The following ZNF432 variants were observed in gnomAD, a reference collection of about 807,000 sequenced individuals.
The protein encoded by ZNF432 is zinc finger protein 432.
Under a neutral mutation model 13.9 loss-of-function variants are expected in ZNF432, and 10 were observed. That is an observed-to-expected ratio of 0.72 (90% CI 0.44 to 1.22). The LOEUF is 1.22. Among genes scored for constraint, ZNF432 ranks in the 50% most tolerant of loss-of-function variants. The pLI, the probability that ZNF432 is intolerant of heterozygous loss-of-function variation, is 0.00. For missense variants in ZNF432, 793 were observed against 796.2 expected, an observed-to-expected ratio of 1.00 and a Z score of 0.05; for synonymous variants, 247 against 256.2, an observed-to-expected ratio of 0.96 and a Z score of 0.34.
At chr19:52,039,322 C>T (rs2087112302) in intron 4 of ZNF432, among the ~76,000 whole-genome samples, 1 of 152,094 alleles carries the variant, frequency 6.6e-6, no homozygotes, top group African/African-American at 2.4e-5. Flanking sequence ...GTAGAAATAA[C>T]CCAAATGTCA....
chr19:52,047,564 G>A (rs548926138), intron 1 of ZNF432, among the ~76,000 whole-genome samples: 1 of 151,856 alleles, frequency 6.6e-6, no homozygotes, highest in Non-Finnish European at 1.5e-5. Flanking sequence ...TGTAATCCCA[G>A]CTACTCGGAG....
intron 2 of ZNF432, among the ~76,000 whole-genome samples, chr19:52,046,101 T>C (rs1006490993): frequency 4.0e-5 from 6 of 150,776 alleles, no homozygotes; most frequent in African/African-American, 1.5e-4. Context: ...TATGCAAGAA[T>C]TGGAGGTGAA....
intron 3 of ZNF432, 133 bp from the exon 4 acceptor site, chr19:52,040,716 G>A: frequency 1.5e-6 from 1 of 679,172 alleles, no homozygotes; most frequent in Non-Finnish European, 2.6e-6. Context: ...GGAAAGGGCA[G>A]ATTACAGTCA....
chr19:52,041,673 A>T (rs994497955), intron 2 of ZNF432, 67 bp from the exon 3 acceptor site: 17 of 1,604,184 alleles, frequency 1.1e-5, no homozygotes, highest in Admixed American at 3.4e-5. Flanking sequence ...AAGAAAGTGA[A>T]GGGAAGTTGT....
rs534105892 is a variant in ZNF432 at position 52,034,812 on chromosome 19, G to A, written c.867C>T (p.Tyr289=). The change falls in exon 5 of 5, where the codon TAC becomes TAT. Residue 289 remains tyrosine (Y), a synonymous_variant. Transcript: ENST00000221315. ...HQRTHTGEKP[Y]ICNECGKGFP... ...AGCCTTTTCCACATTCATTGCATAT[G>A]TAGGGTTTCTCTCCAGTATGAGTTC... The A allele has an allele frequency of 8.1e-6, 13 of 1,613,006 alleles. No individual in the cohort carries two copies. In the South Asian group the frequency reaches 1.4e-4, roughly 18 times the overall value.
rs772975063 is a variant in ZNF432, at chr19:52,034,591, T to C, written c.1088A>G (p.His363Arg). The part of the protein sequence containing the change: ...GFTTKHYVII[H>R]QRNHTGEKPY... ...TTTCTCTCCTGTATGATTTCGTTGATGTATGATGACATAGTGTTTTGTGGT... is the reference window on the plus strand; with the variant it reads ...TTTCTCTCCTGTATGATTTCGTTGACGTATGATGACATAGTGTTTTGTGGT... The change falls in exon 5 of 5, where the codon CAT becomes CGT. Residue 363 changes from histidine to arginine, a missense_variant. By Grantham distance (29) the His-to-Arg change is conservative. Transcript: ENST00000221315. 6.2e-7 allele frequency: 1 copy of C among 1,613,812 alleles called. No homozygotes were observed. The highest frequency in any genetic ancestry group is 1.1e-5 in the South Asian group (1 of 91,054).
Position 52,041,499 on chromosome 19 carries a change from G to T in ZNF432, c.123C>A (p.Tyr41Ter). 1 of 1,607,928 alleles carries T rather than the reference G, an allele frequency of 6.2e-7. No individual in the cohort carries two copies. The highest frequency in any genetic ancestry group is 8.5e-7 in the Non-Finnish European group (1 of 1,176,430). Residue 41 changes from tyrosine to a stop codon, truncating the protein, a stop_gained, in exon 3 of 5, where the codon TAC (tyrosine) becomes TAA (stop). Coordinates refer to ENST00000221315, the MANE Select transcript of ZNF432 (RefSeq NM_014650.4). LOFTEE classifies it high-confidence loss of function. ...CCTCACCCATTGATAGCAGGTTGCT[G>T]TAGATCTCCAACATCACATCCCGGT... ...DLYRDVMLEI[Y>*]SNLLSMGYQV...
chr19:52,045,976 A>G (rs1359304618), intron 2 of ZNF432, among the ~76,000 whole-genome samples: 1 of 148,554 alleles, frequency 6.7e-6, no homozygotes, highest in African/African-American at 2.5e-5. Context: ...CTTGGGCAAC[A>G]GAGTGAGATT....
chr19:52,040,299 A>C, intron 4 of ZNF432, 189 bp downstream of exon 4: 1 of 610,992 alleles, frequency 1.6e-6, no homozygotes, highest in Non-Finnish European at 2.9e-6. Flanking sequence ...ATACAACACC[A>C]GCACAGACAG....
In ZNF432 at chr19:52,040,581, A is replaced by G. The variant is rs913712730; in HGVS notation, c.145T>C (p.Tyr49His). Residue 49 changes from tyrosine (Y) to histidine (H), a missense_variant and splice_region_variant, in exon 4 of 5, where the codon TAT (tyrosine) becomes CAT (histidine). Tyr to His is a moderately conservative substitution (Grantham distance 83). Coordinates refer to ENST00000221315, the MANE Select transcript of ZNF432 (RefSeq NM_014650.4). ...AGTGCATCTGGTTTGCTGACTTGAT[A>G]ACCTGTTTACGGGAAATAATAGAAG... The part of the protein sequence containing the change: ...EIYSNLLSMG[Y>H]QVSKPDALSK... 4.3e-6 allele frequency: 7 copies of G among 1,613,984 alleles called. No individual in the cohort carries two copies. The highest frequency in any genetic ancestry group is 5.9e-6 in the Non-Finnish European group (7 of 1,179,862).
At chr19:52,040,411 C>T in intron 4 of ZNF432, 77 bp downstream of exon 4, 1 of 1,260,754 alleles carries the variant, frequency 7.9e-7, no homozygotes, top group East Asian at 2.3e-5. Context: ...GGCACTGCTT[C>T]TGTGTCCTCA....
chr19:52,036,667 G>C (rs938376737), intron 4 of ZNF432, among the ~76,000 whole-genome samples: 1 of 152,056 alleles, frequency 6.6e-6, no homozygotes, highest in Non-Finnish European at 1.5e-5. Flanking sequence ...TGAGAAAAAA[G>C]GACTGAATGA....
intron 4 of ZNF432, among the ~76,000 whole-genome samples, chr19:52,038,539 C>T (rs887576884): frequency 2.0e-5 from 3 of 152,178 alleles, no homozygotes; most frequent in South Asian, 2.1e-4. Context: ...TTCCCCCCAC[C>T]TAGGCCTCCC....
intron 2 of ZNF432, among the ~76,000 whole-genome samples, chr19:52,042,324 G>A (rs112408330): frequency 1.8e-4 from 27 of 152,190 alleles, no homozygotes; most frequent in African/African-American, 5.3e-4. Context: ...TGAGGCAGGC[G>A]GATAGCTTGA....
intron 4 of ZNF432, among the ~76,000 whole-genome samples, chr19:52,039,275 G>A (rs2087111930): frequency 6.6e-6 from 1 of 152,194 alleles, no homozygotes; most frequent in Non-Finnish European, 1.5e-5. Context: ...AGTTGTACAT[G>A]AACGTTCATA....
At chr19:52,040,233 TAA>T in intron 4 of ZNF432, 1 of 502,218 alleles carries the variant, frequency 2.0e-6, no homozygotes, top group Non-Finnish European at 3.6e-6. Flanking sequence ...AGGTAAACAG[TAA>T]ACAAAAATAG....
At chr19:52,042,029 A>G (rs1445579904) in intron 2 of ZNF432, among the ~76,000 whole-genome samples, 1 of 152,208 alleles carries the variant, frequency 6.6e-6, no homozygotes, top group Non-Finnish European at 1.5e-5. Flanking sequence ...TGTTAAATGG[A>G]TTAAAAAATA....
chr19:52,036,924 G>C (rs545450720), intron 4 of ZNF432, among the ~76,000 whole-genome samples: 1 of 152,246 alleles, frequency 6.6e-6, no homozygotes, highest in Admixed American at 6.5e-5. Flanking sequence ...GCCCACCTCT[G>C]CTTCCCAAAG....
intron 1 of ZNF432, 93 bp downstream of exon 1, chr19:52,048,602 G>A (rs1453042592): frequency 4.7e-5 from 1 of 21,112 alleles, no homozygotes; most frequent in African/African-American, 1.9e-4. Context: ...CCCAACCCCC[G>A]CGCTACCTCC....
Sources: gnomAD v4.1 joint callset for allele counts (sites outside exome capture counted in the v4.1 genomes callset) on GRCh38, gnomAD v4.1.1 for gene constraint, MANE v1.5 for transcripts, NCBI Gene and HGNC (gene_info 2026-07-23, HGNC 2026-07-21) for gene names.